NRDE2: variants seen among roughly 807,000 people sequenced by gnomAD.
NRDE2 encodes the protein nuclear exosome regulator NRDE2.
In NRDE2, 76 loss-of-function variants were observed where a neutral mutation model predicts 124.2. The ratio of observed to expected loss-of-function variants is 0.61; its 90% CI spans 0.51 to 0.74. The LOEUF (loss-of-function observed/expected upper bound fraction) is 0.74, where lower values mean the gene tolerates loss of function less well. Among genes scored for constraint, NRDE2 ranks in the 30% least tolerant of loss-of-function variants. The pLI, the probability that NRDE2 is intolerant of heterozygous loss-of-function variation, is 0.00. For synonymous variants in NRDE2, 489 were observed against 528.1 expected (o/e 0.93, Z 1.01); for missense variants, 1,314 against 1,417.3 (o/e 0.93, Z 1.17).
At chr14:90,296,866 C>T (rs1380590961) in intron 8 of NRDE2, among the ~76,000 whole-genome samples, 5 of 152,004 alleles carry the variant, frequency 3.3e-5, no homozygotes, top group African/African-American at 9.7e-5. Context: ...GGGCTGGGTG[C>T]GGTGGCTCAC....
intron 3 of NRDE2, among the ~76,000 whole-genome samples, chr14:90,315,783 C>T (rs1477861222): frequency 1.3e-5 from 2 of 151,456 alleles, no homozygotes; most frequent in African/African-American, 4.9e-5. Flanking sequence ...TGGTGAAATG[C>T]CATCTCTACT....
Position 90,269,466 on chromosome 14 carries a change from T to C in NRDE2, c.*8870A>G, listed in dbSNP as rs1461564845. 10 of 1,613,308 alleles carry C rather than the reference T, an allele frequency of 6.2e-6. No homozygotes were observed. The highest frequency in any genetic ancestry group is 8.5e-6 in the Non-Finnish European group (10 of 1,179,790). On this transcript the variant is annotated 3_prime_UTR_variant, in exon 14 of 14. Transcript: ENST00000354366. ...TGTTGGAACTGCTGAACCAGTTGGA[T>C]GGATTTGATTCTAGGGGAGATGTGA...
chr14:90,308,525 G>C (rs1177007975), intron 4 of NRDE2, among the ~76,000 whole-genome samples: 1 of 152,062 alleles, frequency 6.6e-6, no homozygotes, highest in Non-Finnish European at 1.5e-5. Context: ...ATTGGGGGTG[G>C]GAGGGAGGAA....
At chr14:90,307,797 GATGCAATATAGCTCACTGCAGTT>G (rs984553427) in intron 4 of NRDE2, among the ~76,000 whole-genome samples, 15 of 152,330 alleles carry the variant, frequency 9.8e-5, no homozygotes, top group Admixed American at 2.6e-4. Flanking sequence ...AGGATGCAAT[GATGCAATATAGCTCACTGCAGTT>G]ATGCAATATA....
At chr14:90,313,879 T>C (rs1050797115) in intron 3 of NRDE2, among the ~76,000 whole-genome samples, 5 of 152,240 alleles carry the variant, frequency 3.3e-5, no homozygotes, top group East Asian at 3.8e-4. Context: ...CTCAGGTTAA[T>C]GTATGGAGAT....
intron 1 of NRDE2, among the ~76,000 whole-genome samples, chr14:90,320,572 T>C (rs1349602145): frequency 2.0e-5 from 3 of 152,184 alleles, no homozygotes; most frequent in South Asian, 2.1e-4. Context: ...GGAGATACCA[T>C]AATGTATGCT....
rs553168136 is a variant in NRDE2 at position 90,288,233 on chromosome 14, C to A, written c.3142G>T (p.Val1048Leu). The A allele has an allele frequency of 1.2e-4, 198 of 1,613,848 alleles. 2 individuals are homozygous for A. The South Asian group carries it at 1.6e-3, about 13-fold the overall frequency. The change falls in exon 11 of 14, where the codon GTG becomes TTG. Residue 1048 changes from valine to leucine, a missense_variant. By Grantham distance (32) the Val-to-Leu change is conservative. Transcript: ENST00000354366. ...IEAEKLRKRLVETVQRLDGRE... is the reference protein window; with the variant it reads ...IEAEKLRKRLLETVQRLDGRE... ...TGGAATTACCTCTGGACAGTTTCCA[C>A]CAGTCTCTTCCTCAGTTTCTCAGCT...
At chr14:90,320,779 C>T (rs1017877809) in intron 1 of NRDE2, among the ~76,000 whole-genome samples, 1 of 152,204 alleles carries the variant, frequency 6.6e-6, no homozygotes, top group Admixed American at 6.5e-5. Context: ...TAAGAACTTA[C>T]ATCCTTTTCA....
rs115077402 is a variant in NRDE2, at chr14:90,305,196, T to G, written c.558-814A>C. On this transcript the variant is annotated intron_variant, in intron 4 of 13. Transcript: ENST00000354366. The stretch of plus-strand genomic sequence containing the variant: ...TCAACATCCTTAGTCAACAAGGACA[T>G]GCAAATTAAAACCACAATGAGGTAC... Among the ~76,000 whole-genome samples, 508 of 150,368 alleles carry G rather than the reference T, an allele frequency of 3.4e-3. 4 individuals are homozygous for G. Among genetic ancestry groups the G allele is most frequent in the African/African-American group, 0.012 (488 of 41,088 alleles).
chr14:90,298,889 A>C (rs1214811089), intron 7 of NRDE2, among the ~76,000 whole-genome samples: 1 of 152,168 alleles, frequency 6.6e-6, no homozygotes, highest in Non-Finnish European at 1.5e-5. Flanking sequence ...GAAGGTTCCA[A>C]CAAGACAGAC....
chr14:90,304,663 G>T (rs908261647), intron 4 of NRDE2: 5 of 333,878 alleles, frequency 1.5e-5, no homozygotes, highest in Non-Finnish European at 1.6e-5. Context: ...CTATTTTCCT[G>T]GAGCCTTGTA....
Position 90,270,410 on chromosome 14 carries a change from G to A in NRDE2, c.*7926C>T. 1.3e-6 allele frequency: 2 copies of A among 1,552,696 alleles called. No homozygotes were observed. Among genetic ancestry groups the A allele is most frequent in the Non-Finnish European group, 1.7e-6 (2 of 1,148,456 alleles). ...GAATGTGGCCGTCAATCAGGAAAGAGTCTATATGTGCTCTTGGGATGGTGG... is the reference window on the plus strand; with the variant it reads ...GAATGTGGCCGTCAATCAGGAAAGAATCTATATGTGCTCTTGGGATGGTGG... On this transcript the variant is annotated 3_prime_UTR_variant, in exon 14 of 14. Coordinates refer to ENST00000354366, the MANE Select transcript of NRDE2 (RefSeq NM_017970.4).
At chr14:90,315,166 T>TGAG (rs1884993958) in intron 3 of NRDE2, among the ~76,000 whole-genome samples, 2 of 66,738 alleles carry the variant, frequency 3.0e-5, no homozygotes, top group African/African-American at 6.2e-5. Flanking sequence ...GACAGAGCAA[T>TGAG]ACTCTGTCTC....
rs774409195 is a variant in NRDE2, at chr14:90,302,749, G to A, written c.1382C>T (p.Ala461Val). The change falls in exon 6 of 14, where the codon GCG becomes GTG. Residue 461 changes from alanine to valine, a missense_variant. Coordinates refer to ENST00000354366, the MANE Select transcript of NRDE2 (RefSeq NM_017970.4). Reference sequence around the variant, plus strand: ...CATGGCCTCTTCCGTGCCAGGCAACGCAGGGTGAGATAAGATGCTGCCGTC... The same window carrying A: ...CATGGCCTCTTCCGTGCCAGGCAACACAGGGTGAGATAAGATGCTGCCGTC... Reference protein sequence around the residue: ...VKDGSILSHPALPGTEEAMFA... With the variant: ...VKDGSILSHPVLPGTEEAMFA... The A allele has an allele frequency of 6.2e-6, 10 of 1,612,654 alleles. No homozygotes were observed. The highest frequency in any genetic ancestry group is 4.0e-5 in the African/African-American group (3 of 74,868).
Position 90,282,553 on chromosome 14 carries a change from T to C in NRDE2, c.3298-3420A>G, listed in dbSNP as rs2149658. Among the ~76,000 whole-genome samples the C allele has an allele frequency of 7.3e-3, 1,116 of 152,282 alleles. 4 individuals are homozygous for C. Among genetic ancestry groups the C allele is most frequent in the Non-Finnish European group, 0.011 (768 of 68,022 alleles). ...AAACAGCGCATTTGAAAGTCTCTCC[T>C]AAAAATGAGGTTTTAACCTGCTAAA... On this transcript the variant is annotated intron_variant, in intron 12 of 13. Transcript: ENST00000354366.
At position 90,292,909 on chromosome 14, in the gene NRDE2, A is replaced by G. The variant is rs748692124; in HGVS notation, c.1667-37T>C. The G allele has an allele frequency of 6.9e-6, 11 of 1,587,594 alleles. No individual in the cohort carries two copies. In the South Asian group the frequency reaches 1.1e-4, roughly 16 times the overall value. On this transcript the variant is annotated intron_variant, in intron 8 of 13. Transcript: ENST00000354366. ...TGAGACTTCTTCACCTCATCAGCAA[A>G]TAAAACCACCATCGCCACTCAATCA...
rs545631183 is a variant in NRDE2, at chr14:90,306,206, G to A, written c.558-1824C>T. The stretch of plus-strand genomic sequence containing the variant: ...GGGGAGAAAAAGGCAGGGGAGAACT[G>A]CCTTCATCTTCTGTCAGCTCCCAGG... On this transcript the variant is annotated intron_variant, in intron 4 of 13. Coordinates refer to ENST00000354366, the MANE Select transcript of NRDE2 (RefSeq NM_017970.4). 3.9e-5 allele frequency among the ~76,000 whole-genome samples: 6 copies of A among 152,264 alleles called. No individual in the cohort carries two copies. In the East Asian group the frequency reaches 1.2e-3, roughly 29 times the overall value.
intron 12 of NRDE2, among the ~76,000 whole-genome samples, chr14:90,283,160 T>C (rs1892002502): frequency 6.6e-6 from 1 of 152,176 alleles, no homozygotes; most frequent in African/African-American, 2.4e-5. Context: ...GATTTTTCAC[T>C]GTGTTAACAA....
intron 2 of NRDE2, 29 bp downstream of exon 2, chr14:90,317,976 C>A (rs367948206): frequency 6.3e-7 from 1 of 1,577,880 alleles, no homozygotes. Flanking sequence ...CTGACAAAAA[C>A]GAAAACACAT....
Sources: gnomAD v4.1 joint callset for allele counts (sites outside exome capture counted in the v4.1 genomes callset) on GRCh38, gnomAD v4.1.1 for gene constraint, MANE v1.5 for transcripts, NCBI Gene and HGNC (gene_info 2026-07-23, HGNC 2026-07-21) for gene names.